The following CSMD3 variants were observed in gnomAD, a reference collection of about 807,000 sequenced individuals.
The protein encoded by CSMD3 is CUB and sushi domain-containing protein 3.
A neutral mutation model predicts 435.2 loss-of-function variants in CSMD3; 177 were observed. The ratio of observed to expected loss-of-function variants is 0.41; its 90% CI spans 0.36 to 0.46. The LOEUF (loss-of-function observed/expected upper bound fraction) is 0.46, where lower values mean the gene tolerates loss of function less well. Ranked by LOEUF, CSMD3 falls within the 20% of genes least tolerant of loss-of-function variation. The pLI is 0.34. For missense variants in CSMD3, 4,265 were observed against 4,504.6 expected (o/e 0.95, Z 1.52); for synonymous variants, 1,656 against 1,520.5 (o/e 1.09, Z -2.07).
intron 2 of CSMD3, among the ~76,000 whole-genome samples, chr8:113,307,180 C>G (rs918225008): frequency 1.6e-4 from 25 of 152,068 alleles, no homozygotes; most frequent in African/African-American, 5.1e-4. Flanking sequence ...TAAGGCCTAG[C>G]CTTTTCTGGA....
chr8:112,367,445 CA>C, intron 38 of CSMD3, among the ~76,000 whole-genome samples: 1 of 152,172 alleles, frequency 6.6e-6, no homozygotes, highest in Non-Finnish European at 1.5e-5. Context: ...TTAATTAAAG[CA>C]AAACTGTTAT....
At chr8:112,958,012 A>G (rs2084092514) in intron 7 of CSMD3, among the ~76,000 whole-genome samples, 1 of 151,496 alleles carries the variant, frequency 6.6e-6, no homozygotes, top group East Asian at 1.9e-4. Flanking sequence ...CCAAAAGTGC[A>G]TGTCGTATTT....
rs767400369 is a variant in CSMD3 at position 113,436,813 on chromosome 8, G to T, written c.42C>A (p.Ser14=). 1 of 1,614,148 alleles carries T rather than the reference G, an allele frequency of 6.2e-7. No individual in the cohort carries two copies. Among genetic ancestry groups the T allele is most frequent in the Non-Finnish European group, 8.5e-7 (1 of 1,180,042 alleles). ...TTCGCTTGCCAGGCTCCCAGGGTTT[G>T]GATTCCTTTGCTCGGCTTTCCCCTT... ...IRKGESRAKE[S]KPWEPGKRRC... is the part of the protein sequence containing the mutation. Residue 14 remains serine, a synonymous_variant, in exon 1 of 71, where the codon TCC becomes TCA. Coordinates refer to ENST00000297405, the MANE Select transcript of CSMD3 (RefSeq NM_198123.2).
At chr8:113,087,085 T>C (rs1330009656) in intron 5 of CSMD3, among the ~76,000 whole-genome samples, 1 of 152,158 alleles carries the variant, frequency 6.6e-6, no homozygotes, top group Non-Finnish European at 1.5e-5. Context: ...TAAGAGTCAT[T>C]TTCCACTCCA....
At chr8:112,699,750 C>T (rs1362657461) in intron 13 of CSMD3, among the ~76,000 whole-genome samples, 1 of 152,124 alleles carries the variant, frequency 6.6e-6, no homozygotes, top group Non-Finnish European at 1.5e-5. Context: ...GAATGTGTGG[C>T]CTATGCCTGG....
chr8:113,292,994 C>A (rs2093696586), intron 2 of CSMD3, among the ~76,000 whole-genome samples: 1 of 151,706 alleles, frequency 6.6e-6, no homozygotes, highest in South Asian at 2.1e-4. Context: ...TTTTAGAGTC[C>A]CATTTTAAAT....
chr8:112,959,623 G>T (rs945682545), intron 7 of CSMD3, among the ~76,000 whole-genome samples: 1 of 151,576 alleles, frequency 6.6e-6, no homozygotes, highest in Admixed American at 6.6e-5. Context: ...CTGGATGTGC[G>T]TTTCCCACTT....
chr8:112,854,811 A>C (rs2080599540), intron 11 of CSMD3, among the ~76,000 whole-genome samples: 1 of 151,992 alleles, frequency 6.6e-6, no homozygotes. Context: ...CCTAGCAAAA[A>C]CTTCACCTGA....
chr8:113,301,777 C>G lies in CSMD3; in HGVS notation c.401+12794G>C, dbSNP rs1240588213. The stretch of plus-strand genomic sequence containing the variant: ...TTATTTTTCTGTATGGGTTCAGTAT[C>G]TTTTAAATAACTTTATAACATCAAA... On this transcript the variant is annotated intron_variant, in intron 2 of 70. Transcript: ENST00000297405. Among the ~76,000 whole-genome samples the G allele has an allele frequency of 2.0e-5, 3 of 151,960 alleles. No individual in the cohort carries two copies. The East Asian group carries it at 5.8e-4, about 29-fold the overall frequency.
At chr8:112,686,082 T>A (rs1352248735) in intron 14 of CSMD3, among the ~76,000 whole-genome samples, 2 of 152,146 alleles carry the variant, frequency 1.3e-5, no homozygotes, top group Non-Finnish European at 2.9e-5. Flanking sequence ...ATAAGGTTCT[T>A]GAAATGATTG....
chr8:113,004,893 C>T (rs1167453265), intron 6 of CSMD3, among the ~76,000 whole-genome samples: 3 of 151,438 alleles, frequency 2.0e-5, no homozygotes, highest in Non-Finnish European at 4.4e-5. Flanking sequence ...AATGGTATCA[C>T]CTAATTTGTG....
At chr8:112,315,081 A>C (rs571749842) in intron 47 of CSMD3, among the ~76,000 whole-genome samples, 45 of 152,002 alleles carry the variant, frequency 3.0e-4, no homozygotes, top group African/African-American at 1.0e-3. Flanking sequence ...CAAAGTATTC[A>C]TTTCAAGTAA....
intron 28 of CSMD3, 81 bp from the exon 29 acceptor site, chr8:112,506,910 C>G (rs147143313): frequency 1.3e-5 from 16 of 1,262,938 alleles, no homozygotes; most frequent in Non-Finnish European, 1.7e-5. Flanking sequence ...AATCACGTCT[C>G]TAAAAGAGCT....
chr8:112,356,904 G>T (rs1259864016), intron 38 of CSMD3, among the ~76,000 whole-genome samples: 1 of 152,062 alleles, frequency 6.6e-6, no homozygotes, highest in Non-Finnish European at 1.5e-5. Context: ...AAATTGCCCA[G>T]TCTCAGGTAT....
chr8:113,370,374 AAGAT>A (rs897485850), intron 1 of CSMD3, among the ~76,000 whole-genome samples: 1 of 151,692 alleles, frequency 6.6e-6, no homozygotes, highest in Admixed American at 6.6e-5. Flanking sequence ...TTTTACTTAA[AAGAT>A]AGAATCTAAA....
At chr8:112,903,646 A>G (rs1226530004) in intron 10 of CSMD3, among the ~76,000 whole-genome samples, 4 of 151,140 alleles carry the variant, frequency 2.6e-5, no homozygotes, top group African/African-American at 9.7e-5. Flanking sequence ...CTAAACTTTT[A>G]CAAACACTGT....
intron 32 of CSMD3, among the ~76,000 whole-genome samples, chr8:112,432,379 C>T (rs1020116074): frequency 6.6e-6 from 1 of 152,132 alleles, no homozygotes; most frequent in African/African-American, 2.4e-5. Context: ...TCATATCTCA[C>T]TGCAGCTTTG....
At chr8:112,565,444 C>T (rs1162332205) in intron 24 of CSMD3, among the ~76,000 whole-genome samples, 2 of 152,030 alleles carry the variant, frequency 1.3e-5, no homozygotes, top group Non-Finnish European at 2.9e-5. Flanking sequence ...ATTCACAAGG[C>T]TAGTATGCAA....
At chr8:112,599,081 C>T (rs1412582420) in intron 22 of CSMD3, among the ~76,000 whole-genome samples, 1 of 147,158 alleles carries the variant, frequency 6.8e-6, no homozygotes, top group East Asian at 2.1e-4. Flanking sequence ...AGTGAACAGG[C>T]AACCTACAAC....
Sources: allele counts gnomAD v4.1 joint callset (sites outside exome capture counted in the v4.1 genomes callset), GRCh38; gene constraint gnomAD v4.1.1; transcripts MANE v1.5; gene names NCBI Gene and HGNC (gene_info 2026-07-23, HGNC 2026-07-21).